Variants in EIF3H observed in about 807,000 individuals in gnomAD.
EIF3H encodes the protein eukaryotic translation initiation factor 3 subunit H.
A neutral mutation model predicts 44.2 loss-of-function variants in EIF3H; 26 were observed. That is an observed-to-expected ratio of 0.59 (90% CI 0.43 to 0.82). The LOEUF is 0.82. EIF3H is among the 40% of genes least tolerant of loss of function. The pLI, the probability that EIF3H is intolerant of heterozygous loss-of-function variation, is 0.00. For missense variants in EIF3H, 359 were observed against 432.8 expected (o/e 0.83, Z 1.51); for synonymous variants, 166 against 151.9 (o/e 1.09, Z -0.68).
At chr8:116,755,545 G>A (rs1815425889) in intron 1 of EIF3H, 121 bp downstream of exon 1, 1 of 1,335,420 alleles carries the variant, frequency 7.5e-7, no homozygotes, top group Admixed American at 2.4e-5. Context: ...AACGTACTAG[G>A]GAAAAACTTT....
At chr8:116,757,097 G>A (rs7004475), upstream of EIF3H, among the ~76,000 whole-genome samples, 152,307 of 152,362 alleles carry the variant, frequency 1, 76,126 homozygotes, top group Non-Finnish European at 1. Flanking sequence ...TATCCTCATA[G>A]CAGTAAAACT....
intron 6 of EIF3H, among the ~76,000 whole-genome samples, 173 bp downstream of exon 6, chr8:116,648,633 T>C (rs1813342571): frequency 6.6e-6 from 1 of 152,252 alleles, no homozygotes. Context: ...AAGTATAACC[T>C]GTAAATAATA....
At chr8:116,652,824 T>C (rs1813418132) in intron 5 of EIF3H, among the ~76,000 whole-genome samples, 2 of 145,820 alleles carry the variant, frequency 1.4e-5, no homozygotes, top group Non-Finnish European at 3.0e-5. Flanking sequence ...AAGGAAGGAG[T>C]AGATCAACCT....
intron 2 of EIF3H, among the ~76,000 whole-genome samples, chr8:116,713,629 G>A (rs987138529): frequency 6.6e-6 from 1 of 151,944 alleles, no homozygotes; most frequent in Non-Finnish European, 1.5e-5. Flanking sequence ...TTTGCTTCTC[G>A]TATATTCTAA....
At chr8:116,657,115 A>G in intron 4 of EIF3H, 100 bp downstream of exon 4, 1 of 1,022,390 alleles carries the variant, frequency 9.8e-7, no homozygotes, top group South Asian at 1.3e-5. Flanking sequence ...CACATGGCAA[A>G]AGCATTACCA....
At chr8:116,705,241 T>C (rs1465167895) in intron 2 of EIF3H, among the ~76,000 whole-genome samples, 2 of 152,238 alleles carry the variant, frequency 1.3e-5, no homozygotes, top group Admixed American at 6.5e-5. Context: ...AATATATTTA[T>C]ACATTTACCC....
chr8:116,741,009 T>C (rs1028230178), intron 1 of EIF3H, among the ~76,000 whole-genome samples: 1 of 152,230 alleles, frequency 6.6e-6, no homozygotes, highest in African/African-American at 2.4e-5. Context: ...TTAGCTACTA[T>C]TATAACAACT....
At chr8:116,741,987 T>C (rs1815140148) in intron 1 of EIF3H, among the ~76,000 whole-genome samples, 1 of 152,064 alleles carries the variant, frequency 6.6e-6, no homozygotes, top group African/African-American at 2.4e-5. Context: ...TCAAGTGGGA[T>C]AGGGTTCCAT....
chr8:116,741,793 A>C (rs201976868), intron 1 of EIF3H, among the ~76,000 whole-genome samples: 1 of 152,234 alleles, frequency 6.6e-6, no homozygotes, highest in East Asian at 1.9e-4. Context: ...CTTTCATTTA[A>C]TTCTGTAGAC....
intron 1 of EIF3H, among the ~76,000 whole-genome samples, chr8:116,729,290 C>G (rs1814912949): frequency 6.6e-6 from 1 of 152,130 alleles, no homozygotes; most frequent in Admixed American, 6.5e-5. Flanking sequence ...AGGACCAGCA[C>G]AGTTTCATAA....
chr8:116,739,797 G>A (rs528460400), intron 1 of EIF3H, among the ~76,000 whole-genome samples: 2 of 152,326 alleles, frequency 1.3e-5, no homozygotes, highest in South Asian at 4.1e-4. Flanking sequence ...CGCTGGGTTA[G>A]GGTCTCCCCG....
intron 2 of EIF3H, among the ~76,000 whole-genome samples, chr8:116,716,983 T>G (rs1207929442): frequency 6.6e-6 from 1 of 152,120 alleles, no homozygotes; most frequent in African/African-American, 2.4e-5. Context: ...GATCTTCCTC[T>G]GAATAACTGC....
chr8:116,689,710 G>C (rs1297177036), intron 2 of EIF3H, among the ~76,000 whole-genome samples: 1 of 152,104 alleles, frequency 6.6e-6, no homozygotes. Flanking sequence ...TTGTATACAA[G>C]TTCATTAATC....
chr8:116,647,269 T>G (rs1000733030), intron 6 of EIF3H, among the ~76,000 whole-genome samples: 1 of 152,046 alleles, frequency 6.6e-6, no homozygotes, highest in South Asian at 2.1e-4. Context: ...ACCCGGCTAA[T>G]TTTTGTATTT....
intron 5 of EIF3H, among the ~76,000 whole-genome samples, chr8:116,654,124 C>T (rs1813448778): frequency 6.6e-6 from 1 of 152,222 alleles, no homozygotes; most frequent in African/African-American, 2.4e-5. Flanking sequence ...AAAAGCACTG[C>T]TTCAAAGTTG....
chr8:116,714,307 G>A (rs760987050), intron 2 of EIF3H, among the ~76,000 whole-genome samples: 1 of 152,046 alleles, frequency 6.6e-6, no homozygotes, highest in Non-Finnish European at 1.5e-5. Flanking sequence ...CCTCTCCTGT[G>A]AAGTCATCCC....
At chr8:116,726,742 C>T (rs939695738) in intron 1 of EIF3H, among the ~76,000 whole-genome samples, 1 of 152,176 alleles carries the variant, frequency 6.6e-6, no homozygotes, top group Admixed American at 6.5e-5. Context: ...TAGTTTTCCT[C>T]AACCAGAAGG....
intron 1 of EIF3H, among the ~76,000 whole-genome samples, chr8:116,743,803 C>T (rs1462801468): frequency 0.38 from 22,761 of 59,218 alleles, 3,130 homozygotes; most frequent in Non-Finnish European, 0.44. Flanking sequence ...TATATAAACA[C>T]ACACACACAC....
At chr8:116,743,806 ACACACAC>A (rs1815181108) in intron 1 of EIF3H, among the ~76,000 whole-genome samples, 10 of 17,180 alleles carry the variant, frequency 5.8e-4, no homozygotes, top group African/African-American at 1.6e-3. Context: ...ATAAACACAC[ACACACAC>A]ACACACACAC....
Sources: allele counts gnomAD v4.1 joint callset (sites outside exome capture counted in the v4.1 genomes callset), GRCh38; gene constraint gnomAD v4.1.1; transcripts MANE v1.5; gene names NCBI Gene and HGNC (gene_info 2026-07-23, HGNC 2026-07-21).